The following RARB variants were observed in gnomAD, a reference collection of about 807,000 sequenced individuals.
The protein encoded by RARB is HBV-activated protein.
RARB carries 17 observed loss-of-function variants against 51.9 expected under a neutral mutation model. That is an observed-to-expected ratio of 0.33 (90% CI 0.22 to 0.49). The LOEUF (loss-of-function observed/expected upper bound fraction) is 0.49, where lower values mean the gene tolerates loss of function less well. Among genes scored for constraint, RARB ranks in the 20% least tolerant of loss-of-function variants. RARB has a pLI of 0.99. For synonymous variants in RARB, 215 were observed against 195.4 expected (o/e 1.10, Z -0.84); for missense variants, 369 against 550.8 (o/e 0.67, Z 3.30).
intron 2 of RARB, among the ~76,000 whole-genome samples, chr3:24,916,952 C>T (rs1695119714): frequency 6.6e-6 from 1 of 152,100 alleles, no homozygotes; most frequent in African/African-American, 2.4e-5. Context: ...AAACATAACA[C>T]AAACTGTACA....
intron 1 of RARB, among the ~76,000 whole-genome samples, chr3:25,460,484 G>C (rs1370902062): frequency 6.7e-6 from 1 of 148,998 alleles, no homozygotes; most frequent in Non-Finnish European, 1.5e-5. Flanking sequence ...GTCTTGCTCT[G>C]TTGCCCAGGC....
chr3:25,520,144 C>G (rs1698343278), intron 3 of RARB, among the ~76,000 whole-genome samples: 1 of 152,206 alleles, frequency 6.6e-6, no homozygotes, highest in South Asian at 2.1e-4. Context: ...ATACTGCCCA[C>G]AAAACCTAAA....
chr3:24,932,129 C>T (rs1320370170), intron 2 of RARB, among the ~76,000 whole-genome samples: 4 of 152,058 alleles, frequency 2.6e-5, no homozygotes, highest in Admixed American at 6.6e-5. Context: ...AGTCCAAGTA[C>T]CACATGCTCT....
At chr3:25,282,228 C>T (rs578205718) in intron 5 of RARB, among the ~76,000 whole-genome samples, 1 of 152,312 alleles carries the variant, frequency 6.6e-6, no homozygotes, top group South Asian at 2.1e-4. Context: ...CTTGCTTCAA[C>T]CTCACTGGAC....
intron 2 of RARB, among the ~76,000 whole-genome samples, chr3:24,977,465 G>A (rs1286727286): frequency 6.6e-6 from 1 of 152,132 alleles, no homozygotes; most frequent in Non-Finnish European, 1.5e-5. Context: ...TCTCCTTGAA[G>A]AGGTCCTTCA....
intron 3 of RARB, among the ~76,000 whole-genome samples, chr3:25,083,884 A>G (rs1269547099): frequency 6.6e-6 from 1 of 152,144 alleles, no homozygotes; most frequent in African/African-American, 2.4e-5. Context: ...TTACTCTTTA[A>G]GATATGGCCT....
chr3:25,207,350 C>T (rs1025827157), intron 5 of RARB, among the ~76,000 whole-genome samples: 6 of 152,166 alleles, frequency 3.9e-5, no homozygotes, highest in African/African-American at 1.4e-4. Flanking sequence ...ATTATCTTAA[C>T]AATGAGAAAT....
At chr3:25,577,357 C>G (rs957989262) in intron 4 of RARB, among the ~76,000 whole-genome samples, 1 of 152,016 alleles carries the variant, frequency 6.6e-6, no homozygotes, top group Non-Finnish European at 1.5e-5. Context: ...GTGCCTGGCA[C>G]GAGGCAAGCC....
intron 3 of RARB, among the ~76,000 whole-genome samples, chr3:25,564,475 G>A (rs1259683347): frequency 6.6e-6 from 1 of 152,202 alleles, no homozygotes; most frequent in East Asian, 1.9e-4. Context: ...TGTAGGGGTG[G>A]AGAGCAGTTA....
intron 2 of RARB, among the ~76,000 whole-genome samples, chr3:24,984,042 C>T (rs537042520): frequency 2.0e-5 from 3 of 152,268 alleles, no homozygotes; most frequent in East Asian, 3.9e-4. Flanking sequence ...TCTGCCACTA[C>T]TCCACTGGTA....
At chr3:25,237,109 A>T (rs2125393758) in intron 5 of RARB, among the ~76,000 whole-genome samples, 1 of 152,040 alleles carries the variant, frequency 6.6e-6, no homozygotes, top group Middle Eastern at 3.4e-3. Flanking sequence ...GTCTCCTTTT[A>T]TCTGAAAAGA....
At chr3:25,302,595 T>C (rs1228382364) in intron 5 of RARB, among the ~76,000 whole-genome samples, 1 of 152,178 alleles carries the variant, frequency 6.6e-6, no homozygotes, top group Non-Finnish European at 1.5e-5. Context: ...TTCCAGGGGC[T>C]GGGGACAAGC....
intron 5 of RARB, among the ~76,000 whole-genome samples, chr3:25,263,191 T>A (rs1703048515): frequency 6.6e-6 from 1 of 152,192 alleles, no homozygotes; most frequent in Admixed American, 6.5e-5. Flanking sequence ...CTCTAGCCGA[T>A]AATAAAATTA....
At chr3:25,551,087 A>C (rs1219111884) in intron 3 of RARB, among the ~76,000 whole-genome samples, 1 of 152,172 alleles carries the variant, frequency 6.6e-6, no homozygotes, top group Non-Finnish European at 1.5e-5. Flanking sequence ...AATGACAAAA[A>C]TCATCTTTGA....
At chr3:25,181,157 A>T (rs991320290) in intron 5 of RARB, among the ~76,000 whole-genome samples, 2 of 152,076 alleles carry the variant, frequency 1.3e-5, no homozygotes, top group Admixed American at 6.6e-5. Flanking sequence ...GTCTTTAAGG[A>T]TATTGCATTC....
chr3:25,106,568 G>A (rs1451791922), intron 3 of RARB, among the ~76,000 whole-genome samples: 1 of 150,586 alleles, frequency 6.6e-6, no homozygotes, highest in African/African-American at 2.4e-5. Context: ...CTCCCAAAGT[G>A]CTGGGTTTAC....
At chr3:25,144,023 C>A (rs1700150343) in intron 4 of RARB, among the ~76,000 whole-genome samples, 1 of 152,132 alleles carries the variant, frequency 6.6e-6, no homozygotes. Context: ...TCAAAGGCCC[C>A]AGAACAAAAT....
Position 25,325,188 on chromosome 3 carries a change from G to T in RARB, c.179-136005G>T, listed in dbSNP as rs1018325098. Among the ~76,000 whole-genome samples the T allele has an allele frequency of 4.6e-5, 7 of 152,144 alleles. No individual in the cohort carries two copies. The East Asian group carries it at 1.2e-3, about 25-fold the overall frequency. On this transcript the variant is annotated intron_variant, in intron 5 of 11. Transcript: ENST00000383772. ...CCCTTCCCCTTTTAAACCATATAGT[G>T]TAGCTTCCTGATGTTGCCATGGCAT...
rs1696272558 is a variant in RARB at position 24,966,333 on chromosome 3, TAAAAG to T, written c.-379-93788_-379-93784del. On this transcript the variant is annotated intron_variant, in intron 2 of 11. Coordinates refer to the RARB transcript ENST00000383772. ...TGTAGGAGATTAACACCTAATTACT[TAAAAG>T]AAACAATTTTAACAAATGAAAGAAG... is the stretch of plus-strand genomic sequence containing the variant. Among the ~76,000 whole-genome samples the T allele has an allele frequency of 2.6e-5, 4 of 152,224 alleles. No individual in the cohort carries two copies. The South Asian group carries it at 6.2e-4, about 24-fold the overall frequency.
Sources: gnomAD v4.1 joint callset for allele counts (sites outside exome capture counted in the v4.1 genomes callset) on GRCh38, gnomAD v4.1.1 for gene constraint, MANE v1.5 for transcripts, NCBI Gene and HGNC (gene_info 2026-07-23, HGNC 2026-07-21) for gene names.